COBL: variants seen among roughly 807,000 people sequenced by gnomAD.
COBL encodes cordon-bleu WH2 repeat protein.
In COBL, 51 loss-of-function variants were observed where a neutral mutation model predicts 98.8. That is an observed-to-expected ratio of 0.52 (90% CI 0.41 to 0.65). The LOEUF is 0.65. Among genes scored for constraint, COBL ranks in the 30% least tolerant of loss-of-function variants. The probability of loss-of-function intolerance (pLI) is 0.00; values close to 1 mark genes in which losing one functional copy is unlikely to be tolerated. For missense variants in COBL, 1,617 were observed against 1,617.5 expected (o/e 1.00, Z 0.01); for synonymous variants, 634 against 651.7 (o/e 0.97, Z 0.41).
chr7:51,079,560 G>A (rs1264462542), intron 7 of COBL, among the ~76,000 whole-genome samples: 1 of 152,248 alleles, frequency 6.6e-6, no homozygotes, highest in African/African-American at 2.4e-5. Flanking sequence ...TAACAGGTGT[G>A]TGTAATATGG....
intron 2 of COBL, among the ~76,000 whole-genome samples, chr7:51,203,986 C>T (rs925861575): frequency 6.6e-6 from 1 of 152,150 alleles, no homozygotes; most frequent in African/African-American, 2.4e-5. Flanking sequence ...AAAATACTAG[C>T]ATACAAAATT....
intron 1 of COBL, among the ~76,000 whole-genome samples, chr7:51,262,070 C>T (rs1476758): frequency 0.048 from 7,330 of 152,254 alleles, 574 homozygotes; most frequent in African/African-American, 0.16. Context: ...GGGGTGGGCC[C>T]GTGCTGATGG....
chr7:51,245,153 C>T (rs1027136805), intron 1 of COBL, among the ~76,000 whole-genome samples: 8 of 152,154 alleles, frequency 5.3e-5, no homozygotes, highest in Non-Finnish European at 8.8e-5. Flanking sequence ...GTTGCCTCTT[C>T]CCATGATGAC....
At chr7:51,274,395 T>TC (rs1267703456) in intron 1 of COBL, among the ~76,000 whole-genome samples, 6 of 152,204 alleles carry the variant, frequency 3.9e-5, no homozygotes, top group African/African-American at 1.4e-4. Flanking sequence ...CTAGGTGAGC[T>TC]CCCCTTCATC....
intron 5 of COBL, among the ~76,000 whole-genome samples, chr7:51,160,696 C>T (rs986235689): frequency 3.3e-5 from 5 of 152,114 alleles, no homozygotes; most frequent in Non-Finnish European, 7.3e-5. Context: ...GTGAATAATT[C>T]AGAATCCAAA....
In COBL at chr7:51,056,868, T is replaced by C. The variant is rs374034640; in HGVS notation, c.1097-13176A>G. Among the ~76,000 whole-genome samples, 21 of 146,980 alleles carry C rather than the reference T, an allele frequency of 1.4e-4. No individual in the cohort carries two copies. In the East Asian group the frequency reaches 2.7e-3, roughly 19 times the overall value. On this transcript the variant is annotated intron_variant, in intron 7 of 12. Coordinates refer to ENST00000265136, the MANE Select transcript of COBL (RefSeq NM_015198.5). ...ACACACACGGCAAAAACCATCATAG[T>C]AGTCCCTCCTTGTTGGAGGTTTTGC...
intron 9 of COBL, among the ~76,000 whole-genome samples, chr7:51,030,141 A>T: frequency 6.6e-6 from 1 of 152,212 alleles, no homozygotes; most frequent in Admixed American, 6.5e-5. Context: ...TCAACTATAC[A>T]TTCTCAGGAC....
At chr7:51,247,075 G>A (rs773536455) in intron 1 of COBL, among the ~76,000 whole-genome samples, 1 of 152,164 alleles carries the variant, frequency 6.6e-6, no homozygotes, top group Non-Finnish European at 1.5e-5. Flanking sequence ...TGGTCATCGC[G>A]GAATCTTGTG....
chr7:51,061,746 T>C (rs1013364209), intron 7 of COBL, among the ~76,000 whole-genome samples: 5 of 152,130 alleles, frequency 3.3e-5, no homozygotes, highest in Non-Finnish European at 7.3e-5. Context: ...AGGGTGAATG[T>C]GTTCTCTGTG....
At chr7:51,123,932 T>C (rs1417676135) in intron 6 of COBL, among the ~76,000 whole-genome samples, 1 of 152,166 alleles carries the variant, frequency 6.6e-6, no homozygotes, top group Non-Finnish European at 1.5e-5. Context: ...TCAGCATCAA[T>C]GCATGATGGC....
rs202161212 is a variant in COBL at position 51,107,084 on chromosome 7, G to GTTT, written c.958-21783_958-21781dup. ...ACTTAACACTTTTTTTGTGATCCTA[G>GTTT]TTTGTTTGTTTTTTTTTTTTTTTTT... is the stretch of plus-strand genomic sequence containing the variant. On this transcript the variant is annotated intron_variant, in intron 6 of 12. Coordinates refer to ENST00000265136, the MANE Select transcript of COBL (RefSeq NM_015198.5). 7.0e-4 allele frequency among the ~76,000 whole-genome samples: 77 copies of GTTT among 109,318 alleles called. 6 individuals carry two copies. Among genetic ancestry groups the GTTT allele is most frequent in the African/African-American group, 1.8e-3 (53 of 29,358 alleles). The allele number at this position is 109,318 out of a possible 152,430, so 71.7% of individuals were successfully genotyped here.
At chr7:51,127,643 T>C (rs188830131) in intron 6 of COBL, among the ~76,000 whole-genome samples, 8 of 152,002 alleles carry the variant, frequency 5.3e-5, no homozygotes, top group Admixed American at 1.3e-4. Context: ...CCAAAAGACA[T>C]AGGAACAAAC....
At chr7:51,304,196 C>A (rs1459032514) in intron 1 of COBL, among the ~76,000 whole-genome samples, 1 of 152,172 alleles carries the variant, frequency 6.6e-6, no homozygotes, top group Non-Finnish European at 1.5e-5. Flanking sequence ...CTCACAACAT[C>A]CAAGAACTGC....
rs371293532 is a variant in COBL at position 51,249,140 on chromosome 7, G to A, written c.42-29196C>T. Among the ~76,000 whole-genome samples the A allele has an allele frequency of 5.8e-4, 88 of 152,242 alleles. No individual in the cohort carries two copies. The South Asian group carries it at 0.018, about 30-fold the overall frequency. ...GAATCTCTTGTCTCTCAGAACTCCT[G>A]TGTATCAGATCCAGATGAATGGTGT... On this transcript the variant is annotated intron_variant, in intron 1 of 12. Transcript: ENST00000265136.
At chr7:51,102,302 T>C (rs1024622437) in intron 6 of COBL, among the ~76,000 whole-genome samples, 5 of 152,270 alleles carry the variant, frequency 3.3e-5, no homozygotes, top group African/African-American at 1.2e-4. Context: ...TTCTGGGTCA[T>C]TTTTGGAAGC....
intron 4 of COBL, among the ~76,000 whole-genome samples, chr7:51,189,641 T>G (rs28673626): frequency 0.13 from 19,139 of 144,020 alleles, 1,694 homozygotes; most frequent in African/African-American, 0.26. Context: ...TCTCAAAAAA[T>G]AAAAAAAAGA....
intron 5 of COBL, among the ~76,000 whole-genome samples, chr7:51,157,115 A>T (rs1430607849): frequency 6.6e-6 from 1 of 152,202 alleles, no homozygotes; most frequent in Non-Finnish European, 1.5e-5. Context: ...TCACGCCTGT[A>T]ATCCTAGCGC....
intron 6 of COBL, among the ~76,000 whole-genome samples, chr7:51,085,967 G>C (rs1400329908): frequency 6.6e-6 from 1 of 152,178 alleles, no homozygotes; most frequent in Non-Finnish European, 1.5e-5. Context: ...AACAGTGAAA[G>C]ACACACAGCT....
intron 9 of COBL, 112 bp from the exon 10 acceptor site, chr7:51,029,703 T>A (rs1787967478): frequency 1.1e-6 from 1 of 872,684 alleles, no homozygotes; most frequent in Non-Finnish European, 1.7e-6. Context: ...ATTATTTATA[T>A]ACGTTTTAAA....
Sources: allele counts gnomAD v4.1 joint callset (sites outside exome capture counted in the v4.1 genomes callset), GRCh38; gene constraint gnomAD v4.1.1; transcripts MANE v1.5; gene names NCBI Gene and HGNC (gene_info 2026-07-23, HGNC 2026-07-21).